The following ARHGEF26 variants were observed in gnomAD, a reference collection of about 807,000 sequenced individuals.
ARHGEF26 encodes Rho guanine nucleotide exchange factor 26.
A neutral mutation model predicts 89.4 loss-of-function variants in ARHGEF26; 59 were observed. The ratio of observed to expected loss-of-function variants is 0.66; its 90% CI spans 0.54 to 0.82. The LOEUF (loss-of-function observed/expected upper bound fraction) is 0.82, where lower values mean the gene tolerates loss of function less well. Among genes scored for constraint, ARHGEF26 ranks in the 40% least tolerant of loss-of-function variants. The pLI, the probability that ARHGEF26 is intolerant of heterozygous loss-of-function variation, is 0.00. For synonymous variants in ARHGEF26, 500 were observed against 428.4 expected (o/e 1.17, Z -2.06); for missense variants, 1,234 against 1,085.6 (o/e 1.14, Z -1.92).
chr3:154,204,825 G>A (rs966692938), intron 9 of ARHGEF26, among the ~76,000 whole-genome samples: 11 of 152,128 alleles, frequency 7.2e-5, no homozygotes, highest in East Asian at 1.9e-4. Context: ...ATTTGTACAC[G>A]TTCCAAAATT....
intron 5 of ARHGEF26, among the ~76,000 whole-genome samples, chr3:154,151,426 A>T (rs1192984333): frequency 6.6e-6 from 1 of 152,188 alleles, no homozygotes; most frequent in African/African-American, 2.4e-5. Flanking sequence ...TGCTGTTGCA[A>T]ATATTTTAAG....
At chr3:154,143,340 G>A (rs1055029322) in intron 4 of ARHGEF26, among the ~76,000 whole-genome samples, 6 of 151,890 alleles carry the variant, frequency 4.0e-5, no homozygotes, top group African/African-American at 1.2e-4. Context: ...TAACAGTGTC[G>A]TAAATATCTT....
rs1718983461 is a variant in ARHGEF26 at position 154,136,053 on chromosome 3, A to T, written c.1269+6334A>T. On this transcript the variant is annotated intron_variant, in intron 4 of 14. Transcript: ENST00000465093. Reference sequence around the variant, plus strand: ...CTTGAAATGCCAGATACCTTTGAAAAGGGTGTTCTCTGTTCAGCACCTAAT... The same window carrying T: ...CTTGAAATGCCAGATACCTTTGAAATGGGTGTTCTCTGTTCAGCACCTAAT... Among the ~76,000 whole-genome samples the T allele has an allele frequency of 2.6e-5, 4 of 152,212 alleles. No homozygotes were observed. In the South Asian group the frequency reaches 8.3e-4, roughly 32 times the overall value.
chr3:154,141,208 G>A (rs1054134880), intron 4 of ARHGEF26, among the ~76,000 whole-genome samples: 3 of 151,742 alleles, frequency 2.0e-5, no homozygotes, highest in South Asian at 2.1e-4. Context: ...CTCGTTTTCC[G>A]CCCGCCTCGG....
At chr3:154,156,328 T>C (rs188434075) in intron 6 of ARHGEF26, among the ~76,000 whole-genome samples, 4 of 152,218 alleles carry the variant, frequency 2.6e-5, no homozygotes, top group Admixed American at 2.0e-4. Flanking sequence ...TTATTAAAAA[T>C]TTTATCTCTG....
chr3:154,156,998 C>T (rs1221128230), intron 6 of ARHGEF26, among the ~76,000 whole-genome samples: 1 of 152,060 alleles, frequency 6.6e-6, no homozygotes, highest in East Asian at 1.9e-4. Flanking sequence ...AGTGTGTTGT[C>T]TAGTCCCCTG....
upstream of ARHGEF26, chr3:154,121,176 C>CCT (rs1198360709): frequency 6.6e-6 from 1 of 152,394 alleles, no homozygotes; most frequent in Admixed American, 6.5e-5. Flanking sequence ...TCCCGTGCCG[C>CCT]CTCAGCTACT....
intron 10 of ARHGEF26, among the ~76,000 whole-genome samples, chr3:154,224,136 G>T (rs1215738271): frequency 6.6e-6 from 1 of 152,024 alleles, no homozygotes; most frequent in African/African-American, 2.4e-5. Context: ...CTTACTAGGG[G>T]AATTCACTCA....
intron 6 of ARHGEF26, among the ~76,000 whole-genome samples, chr3:154,169,253 C>T (rs577247666): frequency 4.6e-5 from 7 of 152,030 alleles, no homozygotes; most frequent in Admixed American, 3.9e-4. Flanking sequence ...CAAGTATAGT[C>T]GATACTCATT....
chr3:154,157,135 T>C (rs1720384107), intron 6 of ARHGEF26, among the ~76,000 whole-genome samples: 1 of 151,810 alleles, frequency 6.6e-6, no homozygotes, highest in South Asian at 2.1e-4. Context: ...TATGTATCAG[T>C]AGTATGTCTC....
intron 11 of ARHGEF26, among the ~76,000 whole-genome samples, chr3:154,227,252 T>A (rs1304745496): frequency 6.6e-6 from 1 of 152,144 alleles, no homozygotes; most frequent in Non-Finnish European, 1.5e-5. Context: ...TTACTTCTCT[T>A]ACCTGGAGTA....
At chr3:154,142,556 A>G (rs1171896629) in intron 4 of ARHGEF26, among the ~76,000 whole-genome samples, 1 of 152,146 alleles carries the variant, frequency 6.6e-6, no homozygotes, top group Admixed American at 6.5e-5. Context: ...TTAGATTTTT[A>G]TTGCAAAATC....
chr3:154,208,763 ATTTTT>A (rs35181733), intron 9 of ARHGEF26, among the ~76,000 whole-genome samples: 1 of 107,380 alleles, frequency 9.3e-6, no homozygotes, highest in East Asian at 2.8e-4. Context: ...TGCCAATTGC[ATTTTT>A]TTTTTTTTTT....
intron 6 of ARHGEF26, among the ~76,000 whole-genome samples, chr3:154,167,478 T>C: frequency 6.6e-6 from 1 of 152,198 alleles, no homozygotes. Context: ...TATCAGATGT[T>C]TTAATTCAAA....
At chr3:154,245,754 T>C (rs1236185854) in intron 12 of ARHGEF26, among the ~76,000 whole-genome samples, 1 of 152,204 alleles carries the variant, frequency 6.6e-6, no homozygotes, top group Non-Finnish European at 1.5e-5. Flanking sequence ...TTACAGAACT[T>C]CTCAAGAGAG....
At chr3:154,157,852 A>C (rs1559867914) in intron 6 of ARHGEF26, among the ~76,000 whole-genome samples, 1 of 152,142 alleles carries the variant, frequency 6.6e-6, no homozygotes, top group Non-Finnish European at 1.5e-5. Flanking sequence ...TAAGGTATTT[A>C]GTTAAAAAGA....
At chr3:154,149,184 A>C (rs551439693) in intron 4 of ARHGEF26, among the ~76,000 whole-genome samples, 4 of 152,164 alleles carry the variant, frequency 2.6e-5, no homozygotes, top group Non-Finnish European at 4.4e-5. Flanking sequence ...AAAGAGTATA[A>C]AATGCTTAGT....
chr3:154,242,110 A>G (rs890377875), intron 12 of ARHGEF26, among the ~76,000 whole-genome samples: 4 of 152,244 alleles, frequency 2.6e-5, no homozygotes, highest in African/African-American at 9.6e-5. Context: ...GGCTAGAGAA[A>G]AAACCAAGGA....
chr3:154,129,974 T>A (rs982138741), intron 4 of ARHGEF26, among the ~76,000 whole-genome samples: 1 of 152,168 alleles, frequency 6.6e-6, no homozygotes, highest in Non-Finnish European at 1.5e-5. Flanking sequence ...TGGAAACTCT[T>A]TCTGCGAGAT....
Sources: gnomAD v4.1 joint callset for allele counts (sites outside exome capture counted in the v4.1 genomes callset) on GRCh38, gnomAD v4.1.1 for gene constraint, MANE v1.5 for transcripts, NCBI Gene and HGNC (gene_info 2026-07-23, HGNC 2026-07-21) for gene names.